TTC7B: variants seen among roughly 807,000 people sequenced by gnomAD.
TTC7B encodes the protein tetratricopeptide repeat domain 7B.
A neutral mutation model predicts 106.8 loss-of-function variants in TTC7B; 28 were observed. The ratio of observed to expected loss-of-function variants is 0.26; its 90% CI spans 0.19 to 0.36. The LOEUF is 0.36. TTC7B is among the 10% of genes least tolerant of loss of function. The probability of loss-of-function intolerance (pLI) is 1.00; values close to 1 mark genes in which losing one functional copy is unlikely to be tolerated. For synonymous variants in TTC7B, 405 were observed against 430.6 expected, an observed-to-expected ratio of 0.94 and a Z score of 0.74; for missense variants, 862 against 1,076.4, an observed-to-expected ratio of 0.80 and a Z score of 2.79.
At chr14:90,769,028 C>T (rs1363551563) in intron 3 of TTC7B, among the ~76,000 whole-genome samples, 1 of 152,034 alleles carries the variant, frequency 6.6e-6, no homozygotes, top group Non-Finnish European at 1.5e-5. Flanking sequence ...AATTTTGTGA[C>T]ATCGGTAACA....
Position 90,578,082 on chromosome 14 carries a change from C to T in TTC7B, c.2310+24G>A, listed in dbSNP as rs1891330805. On this transcript the variant is annotated intron_variant, in intron 19 of 19. Transcript: ENST00000328459. The surrounding 1 kb of genome is among the most constrained non-coding windows in gnomAD (Gnocchi z 4.7). ...GGCTGTCCCCATGCCAGAGTAGGGGCCACCGCCGGGCTCGTGGACTCACCA... is the reference window on the plus strand; with the variant it reads ...GGCTGTCCCCATGCCAGAGTAGGGGTCACCGCCGGGCTCGTGGACTCACCA... 1 of 1,585,204 alleles carries T rather than the reference C, an allele frequency of 6.3e-7. No homozygotes were observed. Among genetic ancestry groups the T allele is most frequent in the African/African-American group, 1.3e-5 (1 of 74,734 alleles).
At chr14:90,615,217 C>T (rs531660146) in intron 16 of TTC7B, among the ~76,000 whole-genome samples, 20 of 152,262 alleles carry the variant, frequency 1.3e-4, no homozygotes, top group African/African-American at 4.8e-4. Context: ...GAAGAGGGAA[C>T]GGGTTGCTGA....
chr14:90,639,712 C>T (rs990174509), intron 15 of TTC7B, among the ~76,000 whole-genome samples: 4 of 152,270 alleles, frequency 2.6e-5, no homozygotes, highest in South Asian at 4.2e-4. Context: ...CACCAGGAGC[C>T]CTGTAAAGAA....
chr14:90,619,135 C>A (rs1893206830), intron 15 of TTC7B, among the ~76,000 whole-genome samples: 1 of 152,228 alleles, frequency 6.6e-6, no homozygotes, highest in South Asian at 2.1e-4. Flanking sequence ...AGCTCCTGAC[C>A]TCGTGATCCT....
rs929513048 is a variant in TTC7B at position 90,624,339 on chromosome 14, T to C, written c.1752-6294A>G. 2.0e-5 allele frequency among the ~76,000 whole-genome samples: 3 copies of C among 152,192 alleles called. No homozygotes were observed. The East Asian group carries it at 5.8e-4, about 29-fold the overall frequency. On this transcript the variant is annotated intron_variant, in intron 15 of 19. Coordinates refer to ENST00000328459, the MANE Select transcript of TTC7B (RefSeq NM_001010854.2). This position sits in a 1 kb window ranked among gnomAD's most constrained non-coding sequence, Gnocchi z 4.0. The stretch of plus-strand genomic sequence containing the variant: ...CTTAGAAAGAAGACACAACTGCCCC[T>C]GGGGAAGCTCTGGGGCACGCGGCAT...
At chr14:90,677,320 G>A (rs1363405145) in intron 8 of TTC7B, among the ~76,000 whole-genome samples, 1 of 152,148 alleles carries the variant, frequency 6.6e-6, no homozygotes, top group Non-Finnish European at 1.5e-5. Flanking sequence ...TAACACAGAG[G>A]ACTCAAGAGA....
chr14:90,694,703 T>TTATTTTATTATAAAATATATTC (rs1168054188), intron 6 of TTC7B, among the ~76,000 whole-genome samples: 1 of 142,736 alleles, frequency 7.0e-6, no homozygotes, highest in Non-Finnish European at 1.5e-5. Flanking sequence ...AAAATATATT[T>TTATTTTATTATAAAATATATTC]TATTTTATTA....
At chr14:90,631,981 C>T (rs933306558) in intron 15 of TTC7B, among the ~76,000 whole-genome samples, 5 of 152,066 alleles carry the variant, frequency 3.3e-5, no homozygotes, top group African/African-American at 1.2e-4. Flanking sequence ...GGTTTTGTTT[C>T]GTTTTGTTAG....
At chr14:90,760,933 A>C (rs1890478468) in intron 3 of TTC7B, among the ~76,000 whole-genome samples, 1 of 152,212 alleles carries the variant, frequency 6.6e-6, no homozygotes, top group Admixed American at 6.5e-5. Flanking sequence ...CACCATGTTC[A>C]ACCAATCCAG....
chr14:90,738,623 G>A (rs1339643224), intron 4 of TTC7B, among the ~76,000 whole-genome samples: 1 of 151,830 alleles, frequency 6.6e-6, no homozygotes, highest in Non-Finnish European at 1.5e-5. Flanking sequence ...AAAAAAAGAG[G>A]TTAGTATAAC....
Position 90,742,687 on chromosome 14 carries a change from G to C in TTC7B, c.576+2105C>G, listed in dbSNP as rs1287441257. On this transcript the variant is annotated intron_variant, in intron 4 of 19. Transcript: ENST00000328459. The surrounding 1 kb of genome is among the most constrained non-coding windows in gnomAD (Gnocchi z 4.1). ...TTCTTCTCAAAATCCAACATCTTAT[G>C]ATCACCATTTCCCCAAAATCAAAGA... Among the ~76,000 whole-genome samples, 1 of 152,144 alleles carries C rather than the reference G, an allele frequency of 6.6e-6. No homozygotes were observed. Among genetic ancestry groups the C allele is most frequent in the Admixed American group, 6.5e-5 (1 of 15,268 alleles).
At chr14:90,703,271 T>C (rs576330145) in intron 5 of TTC7B, among the ~76,000 whole-genome samples, 1 of 152,274 alleles carries the variant, frequency 6.6e-6, no homozygotes, top group South Asian at 2.1e-4. Context: ...AAGGTAAAAA[T>C]GTCCTGCTAA....
chr14:90,719,788 C>G (rs1228395933), intron 5 of TTC7B, among the ~76,000 whole-genome samples: 1 of 152,196 alleles, frequency 6.6e-6, no homozygotes. Flanking sequence ...GAATCTTTCA[C>G]TAAACCTAAC....
rs1036473366 is a variant in TTC7B, at chr14:90,577,945, A to G, written c.2310+161T>C. On this transcript the variant is annotated intron_variant, in intron 19 of 19. Transcript: ENST00000328459. The surrounding 1 kb of genome is among the most constrained non-coding windows in gnomAD (Gnocchi z 5.0). ...GGGTGCCATTTGCATAAACTATGGT[A>G]GAAACGGTGCCCTCTGGCTTCAGGC... Among the ~76,000 whole-genome samples, 5 of 152,256 alleles carry G rather than the reference A, an allele frequency of 3.3e-5. No homozygotes were observed. Among genetic ancestry groups the G allele is most frequent in the Non-Finnish European group, 7.3e-5 (5 of 68,042 alleles).
At chr14:90,611,274 C>G (rs1401497059) in intron 16 of TTC7B, among the ~76,000 whole-genome samples, 1 of 152,186 alleles carries the variant, frequency 6.6e-6, no homozygotes, top group African/African-American at 2.4e-5. Context: ...AAAACCCAGG[C>G]TGCACGGAAA....
intron 5 of TTC7B, among the ~76,000 whole-genome samples, chr14:90,706,496 A>G (rs1888218170): frequency 6.6e-6 from 1 of 152,180 alleles, no homozygotes; most frequent in Non-Finnish European, 1.5e-5. Flanking sequence ...TTCATCTAAT[A>G]TTTGGCTTTC....
At chr14:90,662,552 A>G (rs1289519738) in intron 9 of TTC7B, among the ~76,000 whole-genome samples, 1 of 152,218 alleles carries the variant, frequency 6.6e-6, no homozygotes, top group Non-Finnish European at 1.5e-5. Flanking sequence ...CCTTCAGAAT[A>G]GGGAATACAC....
intron 9 of TTC7B, among the ~76,000 whole-genome samples, chr14:90,665,431 C>T (rs1377130564): frequency 6.6e-6 from 1 of 152,220 alleles, no homozygotes; most frequent in Non-Finnish European, 1.5e-5. Context: ...AATCAGCCAT[C>T]TCTGAGGGGG....
rs1357403918 is a variant in TTC7B, at chr14:90,575,322, C to A, written c.2310+2784G>T. Among the ~76,000 whole-genome samples the A allele has an allele frequency of 6.6e-6, 1 of 152,206 alleles. No homozygotes were observed. Among genetic ancestry groups the A allele is most frequent in the Non-Finnish European group, 1.5e-5 (1 of 68,032 alleles). On this transcript the variant is annotated intron_variant, in intron 19 of 19. Coordinates refer to ENST00000328459, the MANE Select transcript of TTC7B (RefSeq NM_001010854.2). The surrounding 1 kb of genome is among the most constrained non-coding windows in gnomAD (Gnocchi z 5.2). ...AATGAGGCACCAAGAGGGTGAATAA[C>A]CTGTCCAAGGCCCCACAGCGAATGG... is the stretch of plus-strand genomic sequence containing the variant.
Sources: gnomAD v4.1 joint callset for allele counts (sites outside exome capture counted in the v4.1 genomes callset) on GRCh38, gnomAD v4.1.1 for gene constraint, Gnocchi (gnomAD v3.1) non-coding constraint, MANE v1.5 for transcripts, NCBI Gene and HGNC (gene_info 2026-07-23, HGNC 2026-07-21) for gene names.